Variants in CROCC2 observed in about 807,000 individuals in gnomAD.
CROCC2 encodes ciliary rootlet coiled-coil, rootletin family member 2.
Under a neutral mutation model 177.6 loss-of-function variants are expected in CROCC2, and 163 were observed. The observed-to-expected ratio is 0.92, with a 90% CI of 0.81 to 1.05. The LOEUF (loss-of-function observed/expected upper bound fraction) is 1.05, where lower values mean the gene tolerates loss of function less well. CROCC2 is among the 50% of genes least tolerant of loss of function. The pLI is 0.00. For missense variants in CROCC2, 1,929 were observed against 1,797.8 expected, an observed-to-expected ratio of 1.07 and a Z score of -1.32; for synonymous variants, 904 against 787.3, an observed-to-expected ratio of 1.15 and a Z score of -2.48.
Position 240,955,848 on chromosome 2 carries a change from G to A in CROCC2, c.2830-11G>A, listed in dbSNP as rs771987320. Reference sequence around the variant, plus strand: ...CCCAACTTTCTCACAAGCATACCCCGTCCTGTTCAGGCCCTGTCCCTGAAA... The same window carrying A: ...CCCAACTTTCTCACAAGCATACCCCATCCTGTTCAGGCCCTGTCCCTGAAA... On this transcript the variant is annotated splice_polypyrimidine_tract_variant and intron_variant, in intron 18 of 31. Transcript: ENST00000690015. 38 of 1,529,508 alleles carry A rather than the reference G, an allele frequency of 2.5e-5. No individual in the cohort carries two copies. Among genetic ancestry groups the A allele is most frequent in the South Asian group, 7.2e-5 (6 of 83,844 alleles). The allele number at this position is 1,529,508 out of a possible 1,614,324, so 94.7% of individuals were successfully genotyped here.
Position 240,933,228 on chromosome 2 carries a change from T to C in CROCC2, c.1349T>C (p.Leu450Pro). Residue 450 changes from leucine to proline, a missense_variant, in exon 10 of 32, where the codon CTC (leucine) becomes CCC (proline). Leu to Pro is a moderately conservative substitution (Grantham distance 98). Coordinates refer to ENST00000690015, the MANE Select transcript of CROCC2 (RefSeq NM_001351305.2). Reference protein sequence around the residue: ...SRRELWAAQKLQQERAREQAR... With the variant: ...SRRELWAAQKPQQERAREQAR... Reference sequence around the variant, plus strand: ...CGGGAGCTGTGGGCCGCACAGAAGCTCCAGCAGGAGCGGGCTCGGGAGCAG... The same window carrying C: ...CGGGAGCTGTGGGCCGCACAGAAGCCCCAGCAGGAGCGGGCTCGGGAGCAG... The C allele has an allele frequency of 6.5e-7, 1 of 1,549,556 alleles. No individual in the cohort carries two copies.
chr2:240,974,512 T>C (rs1312203892), intron 27 of CROCC2, among the ~76,000 whole-genome samples: 1 of 145,372 alleles, frequency 6.9e-6, no homozygotes, highest in African/African-American at 2.5e-5. Flanking sequence ...TGGCTAACTT[T>C]TGTATTTTCT....
intron 15 of CROCC2, among the ~76,000 whole-genome samples, chr2:240,947,636 A>C (rs1057082250): frequency 6.6e-6 from 1 of 152,196 alleles, no homozygotes; most frequent in Admixed American, 6.5e-5. Flanking sequence ...AACATTCAGG[A>C]CCATTAAGTG....
chr2:240,931,971 G>A (rs1159620557), intron 7 of CROCC2, among the ~76,000 whole-genome samples: 2 of 152,266 alleles, frequency 1.3e-5, no homozygotes, highest in Non-Finnish European at 2.9e-5. Flanking sequence ...TTAGACTAAT[G>A]GTGACAGGTG....
intron 5 of CROCC2, 81 bp from the exon 6 acceptor site, chr2:240,930,085 A>G (rs1427106256): frequency 3.9e-6 from 2 of 518,050 alleles, no homozygotes; most frequent in Non-Finnish European, 7.1e-6. Flanking sequence ...ATGGAGAGGG[A>G]CATGCACTTG....
In CROCC2 at chr2:240,932,378, G is replaced by A; in HGVS notation, c.1008G>A (p.Lys336=). 1.4e-6 allele frequency: 1 copy of A among 717,504 alleles called. No homozygotes were observed. The highest frequency in any genetic ancestry group is 2.6e-6 in the Non-Finnish European group (1 of 385,062). The allele number at this position is 717,504 out of a possible 1,614,324, so 44.4% of individuals were successfully genotyped here. A position where few individuals can be genotyped will look rare whatever the true frequency, so the allele number is the denominator to read the frequency against. The part of the protein sequence containing the change: ...KLTEQNEQKA[K]TIAALRTDLQ... ...CAGAGCAGAATGAGCAGAAGGCGAAGACCATCGCTGCCCTCAGAACCGACC... is the reference window on the plus strand; with the variant it reads ...CAGAGCAGAATGAGCAGAAGGCGAAAACCATCGCTGCCCTCAGAACCGACC... The change falls in exon 8 of 32, where the codon AAG becomes AAA. Residue 336 remains lysine, a synonymous_variant. Coordinates refer to ENST00000690015, the MANE Select transcript of CROCC2 (RefSeq NM_001351305.2).
chr2:240,939,461 C>T lies in CROCC2; in HGVS notation c.2169+3873C>T, dbSNP rs150697755. On this transcript the variant is annotated intron_variant, in intron 14 of 31. Transcript: ENST00000690015. Reference sequence around the variant, plus strand: ...AGTAATATTTCTGTAATTTTCTTTCCTTGGAATCATCAGATTTGGAATCAG... The same window carrying T: ...AGTAATATTTCTGTAATTTTCTTTCTTTGGAATCATCAGATTTGGAATCAG... 2.7e-4 allele frequency among the ~76,000 whole-genome samples: 39 copies of T among 146,192 alleles called. No individual in the cohort carries two copies. In the East Asian group the frequency reaches 4.8e-3, roughly 18 times the overall value.
Position 240,918,310 on chromosome 2 carries a change from G to A in CROCC2, c.79-416G>A, listed in dbSNP as rs146017466. Among the ~76,000 whole-genome samples the A allele has an allele frequency of 6.6e-6, 1 of 152,294 alleles. No homozygotes were observed. The highest frequency in any genetic ancestry group is 1.9e-4 in the East Asian group (1 of 5,178). On this transcript the variant is annotated intron_variant, in intron 1 of 31. Coordinates refer to ENST00000690015, the MANE Select transcript of CROCC2 (RefSeq NM_001351305.2). This position sits in a 1 kb window ranked among gnomAD's most constrained non-coding sequence, Gnocchi z 6.3. ...TAGGTCCCTCCTCTGGCCCCACCGT[G>A]CAAACAAGCTGTGAGACCACCTGCT...
intron 19 of CROCC2, among the ~76,000 whole-genome samples, chr2:240,956,965 C>T (rs1199270453): frequency 6.6e-6 from 1 of 152,166 alleles, no homozygotes; most frequent in Non-Finnish European, 1.5e-5. Flanking sequence ...GCAGGAGTTA[C>T]AGCAGGATCT....
At chr2:240,985,864 C>G (rs1242516553) in intron 28 of CROCC2, 2 of 437,038 alleles carry the variant, frequency 4.6e-6, no homozygotes, top group Non-Finnish European at 9.3e-6. Flanking sequence ...TCACTGCCCC[C>G]CACAGCAGGG....
chr2:240,929,669 A>G (rs1401502057), intron 5 of CROCC2: 2 of 455,852 alleles, frequency 4.4e-6, no homozygotes, highest in Non-Finnish European at 8.8e-6. Context: ...CCAGACCAAC[A>G]CCTGGACATC....
chr2:240,931,948 A>G (rs779821086), intron 7 of CROCC2, among the ~76,000 whole-genome samples: 1 of 152,240 alleles, frequency 6.6e-6, no homozygotes, highest in Admixed American at 6.5e-5. Context: ...AGGAACAGTA[A>G]AATTACTTAT....
intron 14 of CROCC2, among the ~76,000 whole-genome samples, chr2:240,939,416 T>A (rs1281336910): frequency 6.6e-6 from 1 of 152,140 alleles, no homozygotes; most frequent in Non-Finnish European, 1.5e-5. Flanking sequence ...TTGTTAAAGA[T>A]TTTTGCATCT....
rs2059328251 is a variant in CROCC2 at position 240,917,587 on chromosome 2, C to T, written c.79-1139C>T. On this transcript the variant is annotated intron_variant, in intron 1 of 31. Transcript: ENST00000690015. The surrounding 1 kb of genome is among the most constrained non-coding windows in gnomAD (Gnocchi z 4.9). ...GGCACAAGGTGGGGGAGCTGCCCTG[C>T]GGACCCCAGGGAGAGGGGTCCTCTG... Among the ~76,000 whole-genome samples, 2 of 152,216 alleles carry T rather than the reference C, an allele frequency of 1.3e-5. No homozygotes were observed. Among genetic ancestry groups the T allele is most frequent in the African/African-American group, 2.4e-5 (1 of 41,540 alleles).
intron 27 of CROCC2, among the ~76,000 whole-genome samples, chr2:240,971,712 A>G (rs1489114943): frequency 2.6e-5 from 4 of 152,144 alleles, no homozygotes; most frequent in Non-Finnish European, 5.9e-5. Flanking sequence ...ACTGTAAAAA[A>G]AACATCTCTT....
intron 27 of CROCC2, among the ~76,000 whole-genome samples, chr2:240,976,654 G>A (rs563632951): frequency 2.0e-5 from 2 of 102,426 alleles, no homozygotes; most frequent in South Asian, 5.0e-4. Context: ...AAGCTCTGGG[G>A]TAGGAGCCTC....
intron 5 of CROCC2, among the ~76,000 whole-genome samples, chr2:240,926,460 G>A (rs545100457): frequency 1.3e-4 from 20 of 152,260 alleles, no homozygotes; most frequent in East Asian, 1.2e-3. Flanking sequence ...CTTGGGTACC[G>A]TGGCTCTCCA....
chr2:240,955,786 C>T (rs2059586529), intron 18 of CROCC2, 73 bp from the exon 19 acceptor site: 2 of 1,044,474 alleles, frequency 1.9e-6, no homozygotes, highest in Non-Finnish European at 2.8e-6. Context: ...GCCACAGCCT[C>T]TCCTTAGAGG....
rs2059656769 is a variant in CROCC2, at chr2:240,963,545, G to A, written c.3088-11G>A. The A allele has an allele frequency of 1.3e-6, 2 of 1,531,124 alleles. No homozygotes were observed. Among genetic ancestry groups the A allele is most frequent in the African/African-American group, 2.8e-5 (2 of 72,720 alleles). 94.8% of individuals were successfully genotyped at this position (1,531,124 alleles called of 1,614,324 possible). A position where few individuals can be genotyped will look rare whatever the true frequency, so the allele number is the denominator to read the frequency against. ...CCCAGCGGGCCTCTAGAGCTGAATGGTCCTCCCCAGGCTGAGAGGCTGCGG... is the reference window on the plus strand; with the variant it reads ...CCCAGCGGGCCTCTAGAGCTGAATGATCCTCCCCAGGCTGAGAGGCTGCGG... On this transcript the variant is annotated splice_polypyrimidine_tract_variant and intron_variant, in intron 20 of 31. Coordinates refer to ENST00000690015, the MANE Select transcript of CROCC2 (RefSeq NM_001351305.2).
Sources: gnomAD v4.1 joint callset for allele counts (sites outside exome capture counted in the v4.1 genomes callset) on GRCh38, gnomAD v4.1.1 for gene constraint, Gnocchi (gnomAD v3.1) non-coding constraint, MANE v1.5 for transcripts, NCBI Gene and HGNC (gene_info 2026-07-23, HGNC 2026-07-21) for gene names.